HRH1: variants seen among roughly 807,000 people sequenced by gnomAD.
HRH1 encodes the protein histamine receptor H1.
HRH1 carries 6 observed loss-of-function variants against 10.3 expected under a neutral mutation model. The observed-to-expected ratio is 0.58, with a 90% confidence interval of 0.32 to 1.15. The LOEUF is 1.15. Ranked by LOEUF, HRH1 falls within the 50% of genes most tolerant of loss-of-function variation. The pLI is 0.05. For synonymous variants in HRH1, 242 were observed against 236.7 expected (o/e 1.02, Z -0.21); for missense variants, 514 against 615.3 (o/e 0.84, Z 1.74).
intron 1 of HRH1, among the ~76,000 whole-genome samples, chr3:11,212,707 T>A (rs923111651): frequency 1.1e-4 from 16 of 152,216 alleles, no homozygotes; most frequent in Admixed American, 1.0e-3. Flanking sequence ...TCGGCATTCA[T>A]TCACGTAATC....
Position 11,186,582 on chromosome 3 carries a change from C to A in HRH1, c.-36+32028C>A, listed in dbSNP as rs553145606. ...TAAATGAAGAGGAAGGAAGAGCTGA[C>A]TTTAATGCCTGGAGCTTCTCCCTGC... On this transcript the variant is annotated intron_variant, in intron 1 of 1. Transcript: ENST00000431010. Among the ~76,000 whole-genome samples, 5 of 152,306 alleles carry A rather than the reference C, an allele frequency of 3.3e-5. No homozygotes were observed. In the East Asian group the frequency reaches 7.7e-4, roughly 23 times the overall value.
intron 1 of HRH1, among the ~76,000 whole-genome samples, chr3:11,214,771 A>G (rs1326239575): frequency 1.3e-5 from 2 of 152,252 alleles, no homozygotes; most frequent in Admixed American, 6.5e-5. Context: ...GGGAGGCAGC[A>G]TAGGTTTCAT....
intron 1 of HRH1, among the ~76,000 whole-genome samples, chr3:11,225,850 A>G (rs1938865913): frequency 6.6e-6 from 1 of 152,150 alleles, no homozygotes; most frequent in African/African-American, 2.4e-5. Context: ...GCACCCGACC[A>G]CAACCCAGCT....
chr3:11,146,994 C>T (rs717570), intron 1 of HRH1, among the ~76,000 whole-genome samples: 10,460 of 152,190 alleles, frequency 0.069, 628 homozygotes, highest in African/African-American at 0.16. Context: ...ATGATAAACC[C>T]CAAAGAAGTA....
Position 11,212,110 on chromosome 3 carries a change from G to A in HRH1, c.-35-46893G>A, listed in dbSNP as rs143787566. ...CAGGGCACACGCTTGCTGTCCTGCC[G>A]TGAAATGGCCACCTCCCCAGATATG... On this transcript the variant is annotated intron_variant, in intron 1 of 1. Coordinates refer to ENST00000431010, the MANE Select transcript of HRH1 (RefSeq NM_001098212.2). 6.8e-3 allele frequency among the ~76,000 whole-genome samples: 1,030 copies of A among 152,174 alleles called. 5 individuals carry two copies. The highest frequency in any genetic ancestry group is 0.01 in the Non-Finnish European group (681 of 68,018).
In HRH1 at chr3:11,237,298, A is replaced by G. The variant is rs1430176670; in HGVS notation, c.-35-21705A>G. ...GTTAGCACGGATGTCCATGTTTTCA[A>G]TTCCCTGGAATCTTTATTTAAAGTG... On this transcript the variant is annotated intron_variant, in intron 1 of 1. Transcript: ENST00000431010. Among the ~76,000 whole-genome samples the G allele has an allele frequency of 3.9e-5, 6 of 152,326 alleles. No homozygotes were observed. In the East Asian group the frequency reaches 9.6e-4, roughly 24 times the overall value.
At chr3:11,235,487 C>A (rs1421373139) in intron 1 of HRH1, among the ~76,000 whole-genome samples, 2 of 152,072 alleles carry the variant, frequency 1.3e-5, no homozygotes, top group Non-Finnish European at 2.9e-5. Context: ...CTCACTGTTG[C>A]TGAGCAGATG....
intron 1 of HRH1, among the ~76,000 whole-genome samples, chr3:11,184,761 C>T (rs1027836527): frequency 3.3e-5 from 5 of 151,844 alleles, no homozygotes; most frequent in Admixed American, 6.6e-5. Flanking sequence ...ACTAAAAATA[C>T]TAAAACTTAG....
chr3:11,140,764 C>CA (rs1936276686), intron 1 of HRH1, among the ~76,000 whole-genome samples: 1 of 152,152 alleles, frequency 6.6e-6, no homozygotes, highest in Admixed American at 6.5e-5. Flanking sequence ...TCAGTGTCCC[C>CA]ATCTGTAAAG....
chr3:11,165,387 C>A (rs796427560), intron 1 of HRH1, among the ~76,000 whole-genome samples: 17 of 152,182 alleles, frequency 1.1e-4, no homozygotes, highest in African/African-American at 4.1e-4. Context: ...GAGTTCCAGG[C>A]TGGATAACAG....
intron 1 of HRH1, among the ~76,000 whole-genome samples, chr3:11,238,675 A>C (rs1301306912): frequency 2.0e-5 from 3 of 152,212 alleles, no homozygotes; most frequent in Non-Finnish European, 4.4e-5. Context: ...TGTTTTTTCC[A>C]AAAGATCCCT....
intron 1 of HRH1, among the ~76,000 whole-genome samples, chr3:11,146,360 C>A (rs1339515797): frequency 6.6e-6 from 1 of 152,278 alleles, no homozygotes; most frequent in African/African-American, 2.4e-5. Context: ...GGCTACTGTC[C>A]TTTTCTGGCT....
intron 1 of HRH1, among the ~76,000 whole-genome samples, chr3:11,210,098 T>C (rs1938274613): frequency 6.6e-6 from 1 of 152,154 alleles, no homozygotes; most frequent in African/African-American, 2.4e-5. Context: ...ATCTCTTATG[T>C]GGAGTTAATA....
At chr3:11,174,070 A>G (rs1483936613) in intron 1 of HRH1, among the ~76,000 whole-genome samples, 3 of 152,238 alleles carry the variant, frequency 2.0e-5, no homozygotes, top group Non-Finnish European at 4.4e-5. Flanking sequence ...ACTTCTCAGA[A>G]GCCTTCACAT....
chr3:11,227,324 T>C lies in HRH1; in HGVS notation c.-35-31679T>C, dbSNP rs548048181. 1.4e-3 allele frequency among the ~76,000 whole-genome samples: 210 copies of C among 151,418 alleles called. 1 individual carries two copies. The highest frequency in any genetic ancestry group is 4.9e-3 in the African/African-American group (203 of 41,202). On this transcript the variant is annotated intron_variant, in intron 1 of 1. Coordinates refer to ENST00000431010, the MANE Select transcript of HRH1 (RefSeq NM_001098212.2). ...TTTCCTCAGGCGGAGTCTCGCTCTG[T>C]CCCCCAGGCTGGAGTGCCGTGACGT...
chr3:11,157,911 G>GT (rs1285968177), intron 1 of HRH1, among the ~76,000 whole-genome samples: 2 of 152,234 alleles, frequency 1.3e-5, no homozygotes, highest in African/African-American at 2.4e-5. Flanking sequence ...TTCTGCCAGT[G>GT]TATTTGTTGA....
At chr3:11,168,520 G>A (rs1937091157) in intron 1 of HRH1, among the ~76,000 whole-genome samples, 1 of 152,344 alleles carries the variant, frequency 6.6e-6, no homozygotes, top group East Asian at 1.9e-4. Context: ...GCAGGACTGA[G>A]CATAAGGGAC....
intron 1 of HRH1, among the ~76,000 whole-genome samples, chr3:11,164,168 A>AG (rs1191565590): frequency 2.0e-4 from 30 of 152,354 alleles, no homozygotes; most frequent in African/African-American, 6.5e-4. Context: ...GCCTGAGCCA[A>AG]GGCATAGAGG....
chr3:11,197,940 A>G (rs1348244402), intron 1 of HRH1, among the ~76,000 whole-genome samples: 2 of 152,090 alleles, frequency 1.3e-5, no homozygotes, highest in East Asian at 1.9e-4. Context: ...CTCAACTCCA[A>G]TCTCATTCCC....
Sources: gnomAD v4.1 joint callset for allele counts (sites outside exome capture counted in the v4.1 genomes callset) on GRCh38, gnomAD v4.1.1 for gene constraint, MANE v1.5 for transcripts, NCBI Gene and HGNC (gene_info 2026-07-23, HGNC 2026-07-21) for gene names.